Variants in GIMAP5 observed in about 807,000 individuals in gnomAD.
GIMAP5 encodes the protein GTPase, IMAP family member 5.
GIMAP5 carries 8 observed loss-of-function variants against 9.9 expected under a neutral mutation model. The ratio of observed to expected loss-of-function variants is 0.81; its 90% CI spans 0.47 to 1.45. GIMAP5 has a LOEUF of 1.45. Ranked by LOEUF, GIMAP5 falls within the 40% of genes most tolerant of loss-of-function variation. GIMAP5 has a pLI of 0.00. For synonymous variants in GIMAP5, 174 were observed against 151.4 expected (o/e 1.15, Z -1.09); for missense variants, 353 against 367.4 (o/e 0.96, Z 0.32).
At chr7:150,738,791 G>C (rs1198716145) in intron 1 of GIMAP5, 2 of 152,196 alleles carry the variant, frequency 1.3e-5, no homozygotes, top group Non-Finnish European at 2.9e-5. Context: ...ATTCCTTCAA[G>C]CCTACGGTGT....
intron 1 of GIMAP5, chr7:150,740,596 G>A (rs1296114091): frequency 3.1e-6 from 1 of 318,232 alleles, no homozygotes; most frequent in East Asian, 6.0e-5. Context: ...CTGGTTGGGG[G>A]AGATAATCAA....
chr7:150,737,534 A>G lies in GIMAP5; in HGVS notation c.-181A>G, dbSNP rs1037726319. On this transcript the variant is annotated 5_prime_UTR_variant, in exon 1 of 3. An upstream start codon of the reference 5' UTR is lost. Coordinates refer to ENST00000358647, the MANE Select transcript of GIMAP5 (RefSeq NM_018384.5). ...GTCATGGAGCTTTCAGCCCCAGCAC[A>G]TGGCTCCTCCTTAACTGCGTCTGCT... The G allele has an allele frequency of 7.2e-6, 11 of 1,535,624 alleles. No individual in the cohort carries two copies. In the Admixed American group the frequency reaches 1.8e-4, roughly 25 times the overall value.
Position 150,742,675 on chromosome 7 carries a change from A to T in GIMAP5, c.536A>T (p.Glu179Val). ...DNCSLKDLVRECERRYCAFNN... is the reference protein window; with the variant it reads ...DNCSLKDLVRVCERRYCAFNN... ...TGCAGCCTGAAAGACCTGGTGCGGG[A>T]GTGTGAGAGAAGGTACTGTGCCTTC... Residue 179 changes from glutamate (E) to valine (V), a missense_variant, in exon 3 of 3, where the codon GAG becomes GTG. Coordinates refer to ENST00000358647, the MANE Select transcript of GIMAP5 (RefSeq NM_018384.5). The T allele has an allele frequency of 6.2e-7, 1 of 1,614,212 alleles. No individual in the cohort carries two copies. The highest frequency in any genetic ancestry group is 8.5e-7 in the Non-Finnish European group (1 of 1,180,026).
At chr7:150,738,924 G>C (rs189869338) in intron 1 of GIMAP5, 1 of 152,230 alleles carries the variant, frequency 6.6e-6, no homozygotes, top group East Asian at 1.9e-4. Flanking sequence ...GCCAAAAAAT[G>C]TATTCCTCAA....
At position 150,743,106 on chromosome 7, in the gene GIMAP5, G is replaced by C. The variant is rs1469787920; in HGVS notation, c.*43G>C. 6.4e-7 allele frequency: 1 copy of C among 1,556,310 alleles called. No homozygotes were observed. Among genetic ancestry groups the C allele is most frequent in the Non-Finnish European group, 8.7e-7 (1 of 1,152,234 alleles). On this transcript the variant is annotated 3_prime_UTR_variant, in exon 3 of 3. Coordinates refer to ENST00000358647, the MANE Select transcript of GIMAP5 (RefSeq NM_018384.5). Reference sequence around the variant, plus strand: ...CACTTCTAATGTATCACCCCATGGAGTCATTGTTCTAATAATCACCAATTC... The same window carrying C: ...CACTTCTAATGTATCACCCCATGGACTCATTGTTCTAATAATCACCAATTC...
chr7:150,743,018 C>T lies in GIMAP5; in HGVS notation c.879C>T (p.Ser293=), dbSNP rs772939317. ...YEIFVFLLLC[S]ILFFIIFLFI... Reference sequence around the variant, plus strand: ...TTTTTGTTTTTCTATTGTTGTGCAGCATACTTTTTTTCATTATTTTTCTGT... The same window carrying T: ...TTTTTGTTTTTCTATTGTTGTGCAGTATACTTTTTTTCATTATTTTTCTGT... The change falls in exon 3 of 3, where the codon AGC becomes AGT. Residue 293 remains serine, a synonymous_variant. Transcript: ENST00000358647. 1.9e-6 allele frequency: 3 copies of T among 1,612,010 alleles called. No individual in the cohort carries two copies. The Admixed American group carries it at 5.0e-5, about 27-fold the overall frequency.
In GIMAP5 at chr7:150,739,849, G is replaced by A. The variant is rs559149485; in HGVS notation, c.-6-1030G>A. The stretch of plus-strand genomic sequence containing the variant: ...CTAAAGAAGGCCAAGAAAATCCACT[G>A]AATGAATAGAAAAATGTGGAAAAGA... On this transcript the variant is annotated intron_variant, in intron 1 of 2. Transcript: ENST00000358647. The A allele has an allele frequency of 2.0e-5, 3 of 152,194 alleles. No homozygotes were observed. In the East Asian group the frequency reaches 5.8e-4, roughly 29 times the overall value. 9.4% of individuals were successfully genotyped at this position (152,194 alleles called of 1,614,324 possible).
chr7:150,742,208 A>G lies in GIMAP5; in HGVS notation c.69A>G (p.Ala23=), dbSNP rs1414373066. The G allele has an allele frequency of 6.2e-7, 1 of 1,614,102 alleles. No individual in the cohort carries two copies. The highest frequency in any genetic ancestry group is 1.1e-5 in the South Asian group (1 of 91,082). The part of the protein sequence containing the change: ...AEGRSEDNLS[A]TPPALRIILV... ...GTAGATCAGAAGATAACTTGTCTGC[A>G]ACACCACCGGCATTGAGGATTATCC... The change falls in exon 3 of 3, where the codon GCA becomes GCG. Residue 23 remains alanine, a synonymous_variant. Transcript: ENST00000358647.
chr7:150,742,534 G>A lies in GIMAP5; in HGVS notation c.395G>A (p.Arg132Lys), dbSNP rs1797615140. The change falls in exon 3 of 3, where the codon AGG becomes AAG. Residue 132 changes from arginine (R) to lysine (K), a missense_variant. Coordinates refer to ENST00000358647, the MANE Select transcript of GIMAP5 (RefSeq NM_018384.5). ...ACTGCTCAGGACACAGTGGCCATCA[G>A]GAAGGTGAAAGAGGTCTTTGGGACA... ...RFTAQDTVAI[R>K]KVKEVFGTGA... 1 of 1,614,072 alleles carries A rather than the reference G, an allele frequency of 6.2e-7. No homozygotes were observed. The highest frequency in any genetic ancestry group is 8.5e-7 in the Non-Finnish European group (1 of 1,180,048).
intron 2 of GIMAP5, among the ~76,000 whole-genome samples, chr7:150,741,940 T>G (rs1435950054): frequency 1.3e-5 from 2 of 152,230 alleles, no homozygotes; most frequent in African/African-American, 4.8e-5. Flanking sequence ...CCAGATGAAG[T>G]GCTTAAAGCA....
intron 2 of GIMAP5, 116 bp from the exon 3 acceptor site, chr7:150,742,067 A>C: frequency 8.0e-7 from 1 of 1,250,952 alleles, no homozygotes; most frequent in Non-Finnish European, 1.1e-6. Context: ...GTACACATAA[A>C]TATGTCTGTC....
Position 150,742,869 on chromosome 7 carries a change from C to T in GIMAP5, c.730C>T (p.Gln244Ter). Residue 244 changes from glutamine to a stop codon, truncating the protein, a stop_gained, in exon 3 of 3, where the codon CAG (glutamine) becomes TAG (stop). Transcript: ENST00000358647. LOFTEE classifies it low-confidence loss of function (END_TRUNC). ...GAGACQEDYR[Q>*]YQAKVEWQVE... is the part of the protein sequence containing the mutation. The stretch of plus-strand genomic sequence containing the variant: ...TGGGGCCTGCCAGGAAGACTACAGG[C>T]AGTACCAGGCCAAAGTGGAATGGCA... The T allele has an allele frequency of 1.9e-6, 3 of 1,614,156 alleles. No homozygotes were observed. The highest frequency in any genetic ancestry group is 2.5e-6 in the Non-Finnish European group (3 of 1,180,028).
chr7:150,738,479 T>C (rs1047355343), intron 1 of GIMAP5: 1 of 152,230 alleles, frequency 6.6e-6, no homozygotes, highest in Non-Finnish European at 1.5e-5. Flanking sequence ...TAAAATAGTA[T>C]GGAAGAGGCT....
At chr7:150,738,816 A>G (rs1797554080) in intron 1 of GIMAP5, 1 of 152,212 alleles carries the variant, frequency 6.6e-6, no homozygotes, top group African/African-American at 2.4e-5. Context: ...ACCACGCTCT[A>G]TTCAGTTCTT....
chr7:150,742,961 A>G lies in GIMAP5; in HGVS notation c.822A>G (p.Arg274=). The part of the protein sequence containing the change: ...ESNWAYKALL[R]VKHLMLLHYE... ...ACTGGGCATACAAGGCGCTCCTCAGAGTCAAACACTTGATGCTTTTGCATT... is the reference window on the plus strand; with the variant it reads ...ACTGGGCATACAAGGCGCTCCTCAGGGTCAAACACTTGATGCTTTTGCATT... The change falls in exon 3 of 3, where the codon AGA becomes AGG. Residue 274 remains arginine, a synonymous_variant. Coordinates refer to ENST00000358647, the MANE Select transcript of GIMAP5 (RefSeq NM_018384.5). The G allele has an allele frequency of 7.4e-6, 12 of 1,614,216 alleles. No homozygotes were observed. Among genetic ancestry groups the G allele is most frequent in the Non-Finnish European group, 9.3e-6 (11 of 1,180,040 alleles).
At position 150,742,216 on chromosome 7, in the gene GIMAP5, C is replaced by A; in HGVS notation, c.77C>A (p.Pro26Gln). The change falls in exon 3 of 3, where the codon CCG (proline) becomes CAG (glutamine). Residue 26 changes from proline to glutamine, a missense_variant. Coordinates refer to ENST00000358647, the MANE Select transcript of GIMAP5 (RefSeq NM_018384.5). ...GAAGATAACTTGTCTGCAACACCAC[C>A]GGCATTGAGGATTATCCTAGTGGGC... ...RSEDNLSATP[P>Q]ALRIILVGKT... 6.2e-7 allele frequency: 1 copy of A among 1,613,980 alleles called. No individual in the cohort carries two copies. Among genetic ancestry groups the A allele is most frequent in the East Asian group, 2.2e-5 (1 of 44,876 alleles).
At chr7:150,739,303 C>A (rs773602689) in intron 1 of GIMAP5, 5 of 152,194 alleles carry the variant, frequency 3.3e-5, no homozygotes, top group Non-Finnish European at 2.9e-5. Context: ...CAAAAGGAGC[C>A]ATTTCCTGAT....
Position 150,740,904 on chromosome 7 carries a change from GC to G in GIMAP5, c.21del (p.Lys8AsnfsTer21), listed in dbSNP as rs749684269. 1 of 1,613,886 alleles carries G rather than the reference GC, an allele frequency of 6.2e-7. No homozygotes were observed. The highest frequency in any genetic ancestry group is 8.5e-7 in the Non-Finnish European group (1 of 1,179,958). MGGFQR[G>X]KYGTMAEGRS... ...GAGAGAATGGGAGGATTCCAGAGGG[GC>G]AAATATGGAACTATGGCTGAAGGTA... On this transcript the variant is annotated frameshift_variant, in exon 2 of 3. Transcript: ENST00000358647. LOFTEE classifies it high-confidence loss of function.
At chr7:150,739,584 T>G (rs1563373153) in intron 1 of GIMAP5, 1 of 152,316 alleles carries the variant, frequency 6.6e-6, no homozygotes, top group East Asian at 1.9e-4. Context: ...AAACGTCATC[T>G]AAAGTAGAGA....
Sources: gnomAD v4.1 joint callset for allele counts (sites outside exome capture counted in the v4.1 genomes callset) on GRCh38, gnomAD v4.1.1 for gene constraint, MANE v1.5 for transcripts, NCBI Gene and HGNC (gene_info 2026-07-23, HGNC 2026-07-21) for gene names.